KLRB1: variants seen among roughly 807,000 people sequenced by gnomAD.
KLRB1 encodes the protein killer cell lectin like receptor B1.
Under a neutral mutation model 33.5 loss-of-function variants are expected in KLRB1, and 27 were observed. That is an observed-to-expected ratio of 0.81 (90% CI 0.59 to 1.11). KLRB1 has a LOEUF of 1.11. KLRB1 is among the 50% of genes most tolerant of loss of function. KLRB1 has a pLI of 0.00. For synonymous variants in KLRB1, 64 were observed against 88.9 expected, an observed-to-expected ratio of 0.72 and a Z score of 1.58; for missense variants, 241 against 254.1, an observed-to-expected ratio of 0.95 and a Z score of 0.35.
At chr12:9,599,894 G>T in intron 2 of KLRB1, 53 bp from the exon 3 acceptor site, 1 of 966,654 alleles carries the variant, frequency 1.0e-6, no homozygotes, top group Non-Finnish European at 1.7e-6. Context: ...GTGGTGGAGT[G>T]GATATATTAT....
intron 1 of KLRB1, among the ~76,000 whole-genome samples, chr12:9,605,932 C>T (rs1021157674): frequency 2.6e-5 from 4 of 152,108 alleles, no homozygotes; most frequent in South Asian, 2.1e-4. Flanking sequence ...CTCACTACCT[C>T]TATATTCATT....
chr12:9,605,305 C>T (rs760342692), intron 1 of KLRB1, among the ~76,000 whole-genome samples: 59 of 152,176 alleles, frequency 3.9e-4, no homozygotes, highest in Admixed American at 3.3e-3. Context: ...CATACGTGTG[C>T]ATGTGTCTTT....
intron 1 of KLRB1, among the ~76,000 whole-genome samples, chr12:9,606,740 A>G (rs1318600484): frequency 4.9e-5 from 1 of 20,324 alleles, no homozygotes; most frequent in African/African-American, 2.5e-4. Flanking sequence ...AAAAGTATAT[A>G]TATATATATA....
At chr12:9,601,290 A>T (rs1394538739) in intron 2 of KLRB1, among the ~76,000 whole-genome samples, 1 of 150,954 alleles carries the variant, frequency 6.6e-6, no homozygotes, top group African/African-American at 2.4e-5. Flanking sequence ...GGCTGGCGGG[A>T]TCCTCCATAT....
chr12:9,607,409 C>CTTTTCT (rs1391289422), intron 1 of KLRB1, among the ~76,000 whole-genome samples: 1 of 88,110 alleles, frequency 1.1e-5, no homozygotes, highest in African/African-American at 4.1e-5. Context: ...TCTTTCTTTT[C>CTTTTCT]TTTCTTTCTT....
intron 4 of KLRB1, 41 bp downstream of exon 4, chr12:9,598,458 A>G (rs1864511637): frequency 3.2e-6 from 5 of 1,551,652 alleles, no homozygotes; most frequent in African/African-American, 1.4e-5. Context: ...GGTTTAAAGA[A>G]AGTGTTAAGT....
intron 1 of KLRB1, among the ~76,000 whole-genome samples, chr12:9,607,378 T>TCTCTCTC (rs1565444673): frequency 9.7e-5 from 9 of 93,036 alleles, no homozygotes; most frequent in Non-Finnish European, 1.2e-4. Context: ...CTTTCTTTCT[T>TCTCTCTC]TCTTTCTTTC....
At chr12:9,607,358 T>TTC (rs1864626454) in intron 1 of KLRB1, among the ~76,000 whole-genome samples, 3 of 72,494 alleles carry the variant, frequency 4.1e-5, no homozygotes, top group African/African-American at 1.2e-4. Flanking sequence ...CTTTCTTCCT[T>TTC]TCTTTCTTTC....
chr12:9,606,749 TATATATATA>T (rs1565444219), intron 1 of KLRB1, among the ~76,000 whole-genome samples: 6 of 31,908 alleles, frequency 1.9e-4, no homozygotes, highest in African/African-American at 7.9e-4. Context: ...TATATATATA[TATATATATA>T]TATTTTTTTT....
rs1491505010 is a variant in KLRB1, at chr12:9,607,335, C to CTTTCTTTCTTTCTTTCTTTCTTT, written c.85+419_85+420insAAAGAAAGAAAGAAAGAAAGAAA. On this transcript the variant is annotated intron_variant, in intron 1 of 5. Coordinates refer to ENST00000229402, the MANE Select transcript of KLRB1 (RefSeq NM_002258.3). ...TTTCTTCTTTTCTTTCTCTTTCTTT[C>CTTTCTTTCTTTCTTTCTTTCTTT]CTTTCTTTCTTTCTTTCTTCCTTTC... Among the ~76,000 whole-genome samples, 49 of 65,250 alleles carry CTTTCTTTCTTTCTTTCTTTCTTT rather than the reference C, an allele frequency of 7.5e-4. 4 individuals carry two copies. The highest frequency in any genetic ancestry group is 2.0e-3 in the African/African-American group (49 of 23,974). 42.8% of individuals were successfully genotyped at this position (65,250 alleles called of 152,430 possible). A position where few individuals can be genotyped will look rare whatever the true frequency, so the allele number is the denominator to read the frequency against.
intron 2 of KLRB1, among the ~76,000 whole-genome samples, chr12:9,600,842 G>T (rs1233922209): frequency 6.6e-6 from 1 of 151,650 alleles, no homozygotes; most frequent in Non-Finnish European, 1.5e-5. Context: ...ATATGGCCTC[G>T]TGGGAAGGGA....
intron 1 of KLRB1, among the ~76,000 whole-genome samples, chr12:9,602,034 C>A (rs1218304748): frequency 6.6e-6 from 1 of 152,140 alleles, no homozygotes; most frequent in East Asian, 1.9e-4. Flanking sequence ...GTGCCAAGTA[C>A]CATGTTAGGT....
intron 1 of KLRB1, among the ~76,000 whole-genome samples, chr12:9,607,409 C>CTTTCTTTTCT (rs1864632583): frequency 7.9e-5 from 7 of 88,110 alleles, no homozygotes; most frequent in African/African-American, 2.9e-4. Flanking sequence ...TCTTTCTTTT[C>CTTTCTTTTCT]TTTCTTTCTT....
Position 9,598,646 on chromosome 12 carries a change from C to T in KLRB1, c.267G>A (p.Pro89=), listed in dbSNP as rs763841413. ...QQSRNKTTER[P]GLLNCPIYWQ... ...AATATATTGGGCAGTTTAAGAGACC[C>T]GGTCTCTCTAAAGTAAAAAACAGAA... The change falls in exon 4 of 6, where the codon CCG becomes CCA. Residue 89 remains proline, a synonymous_variant. Coordinates refer to ENST00000229402, the MANE Select transcript of KLRB1 (RefSeq NM_002258.3). The T allele has an allele frequency of 8.1e-6, 13 of 1,606,042 alleles. No homozygotes were observed. Among genetic ancestry groups the T allele is most frequent in the East Asian group, 2.2e-5 (1 of 44,810 alleles).
intron 1 of KLRB1, among the ~76,000 whole-genome samples, chr12:9,603,574 G>A (rs772245621): frequency 2.0e-5 from 3 of 148,564 alleles, no homozygotes; most frequent in Admixed American, 6.8e-5. Context: ...ACAGGCATGC[G>A]CCACCATGCC....
At chr12:9,605,408 G>A (rs945208464) in intron 1 of KLRB1, among the ~76,000 whole-genome samples, 20 of 152,160 alleles carry the variant, frequency 1.3e-4, no homozygotes, top group African/African-American at 3.6e-4. Flanking sequence ...TTAAGGAATC[G>A]CCATACTGTC....
Position 9,607,909 on chromosome 12 carries a change from G to A in KLRB1, c.-70C>T. The A allele has an allele frequency of 9.6e-7, 1 of 1,041,656 alleles. No individual in the cohort carries two copies. The highest frequency in any genetic ancestry group is 1.5e-6 in the Non-Finnish European group (1 of 660,812). The allele number at this position is 1,041,656 out of a possible 1,614,324, so 64.5% of individuals were successfully genotyped here. A position where few individuals can be genotyped will look rare whatever the true frequency, so the allele number is the denominator to read the frequency against. On this transcript the variant is annotated 5_prime_UTR_variant, in exon 1 of 6. Transcript: ENST00000229402. ...CTCTCAATTCTGTGAGGCAAAATCA[G>A]CAAAAGGAAGCTTTCTGCCTGCAGT...
At chr12:9,603,600 T>A (rs1324632618) in intron 1 of KLRB1, among the ~76,000 whole-genome samples, 32 of 1,708 alleles carry the variant, frequency 0.019, 1 homozygote, top group Non-Finnish European at 0.1. Context: ...AATTTTGTAT[T>A]TTTTTTTTTT....
rs181991216 is a variant in KLRB1 at position 9,607,911 on chromosome 12, A to G, written c.-72T>C. The G allele has an allele frequency of 9.6e-7, 1 of 1,045,018 alleles. No individual in the cohort carries two copies. Among genetic ancestry groups the G allele is most frequent in the East Asian group, 2.4e-5 (1 of 41,986 alleles). 64.7% of individuals were successfully genotyped at this position (1,045,018 alleles called of 1,614,324 possible). ...CTCAATTCTGTGAGGCAAAATCAGC[A>G]AAAGGAAGCTTTCTGCCTGCAGTAC... On this transcript the variant is annotated 5_prime_UTR_variant, in exon 1 of 6. Coordinates refer to ENST00000229402, the MANE Select transcript of KLRB1 (RefSeq NM_002258.3).
Sources: gnomAD v4.1 joint callset for allele counts (sites outside exome capture counted in the v4.1 genomes callset) on GRCh38, gnomAD v4.1.1 for gene constraint, MANE v1.5 for transcripts, NCBI Gene and HGNC (gene_info 2026-07-23, HGNC 2026-07-21) for gene names.